The following SH3GL2 variants were observed in gnomAD, a reference collection of about 807,000 sequenced individuals.
The protein encoded by SH3GL2 is endophilin-A1.
SH3GL2 carries 24 observed loss-of-function variants against 46.0 expected under a neutral mutation model. The observed-to-expected ratio is 0.52, with a 90% CI of 0.38 to 0.73. The LOEUF (loss-of-function observed/expected upper bound fraction) is 0.73, where lower values mean the gene tolerates loss of function less well. Ranked by LOEUF, SH3GL2 falls within the 30% of genes least tolerant of loss-of-function variation. The pLI is 0.00. For missense variants in SH3GL2, 413 were observed against 424.2 expected (o/e 0.97, Z 0.23); for synonymous variants, 196 against 147.1 (o/e 1.33, Z -2.40).
intron 1 of SH3GL2, among the ~76,000 whole-genome samples, chr9:17,727,882 T>C (rs1261897480): frequency 6.6e-6 from 1 of 152,056 alleles, no homozygotes; most frequent in Non-Finnish European, 1.5e-5. Flanking sequence ...ATCACCCAGA[T>C]AATCTGCTGT....
chr9:17,716,344 G>T (rs2147734), intron 1 of SH3GL2, among the ~76,000 whole-genome samples: 152,145 of 152,254 alleles, frequency 1, 76,018 homozygotes, highest in Middle Eastern at 1. Flanking sequence ...GGGACACAGC[G>T]AAATTACATG....
At chr9:17,733,568 C>A in intron 1 of SH3GL2, among the ~76,000 whole-genome samples, 1 of 150,258 alleles carries the variant, frequency 6.7e-6, no homozygotes, top group Non-Finnish European at 1.5e-5. Context: ...GTGGCAATTC[C>A]TCAGGGATCT....
chr9:17,717,182 A>T (rs1173702848), intron 1 of SH3GL2, among the ~76,000 whole-genome samples: 2 of 152,066 alleles, frequency 1.3e-5, no homozygotes, highest in Non-Finnish European at 2.9e-5. Flanking sequence ...TCCTATTCGG[A>T]AGGTCATGTG....
Position 17,674,047 on chromosome 9 carries a change from A to G in SH3GL2, c.46-73019A>G, listed in dbSNP as rs144738741. 3.5e-4 allele frequency among the ~76,000 whole-genome samples: 54 copies of G among 152,296 alleles called. No homozygotes were observed. In the East Asian group the frequency reaches 9.3e-3, roughly 26 times the overall value. ...TCCTTGTGTGGCTCTTGAAATCATTATGAATTGATCTGAGCACTTCCTTAT... is the reference window on the plus strand; with the variant it reads ...TCCTTGTGTGGCTCTTGAAATCATTGTGAATTGATCTGAGCACTTCCTTAT... On this transcript the variant is annotated intron_variant, in intron 1 of 8. Transcript: ENST00000380607.
At chr9:17,664,699 A>C (rs950343088) in intron 1 of SH3GL2, among the ~76,000 whole-genome samples, 9 of 151,302 alleles carry the variant, frequency 5.9e-5, no homozygotes, top group Non-Finnish European at 1.2e-4. Flanking sequence ...ATATTCTATA[A>C]TATAGAAATA....
At chr9:17,703,482 C>G (rs1450535150) in intron 1 of SH3GL2, among the ~76,000 whole-genome samples, 9 of 151,834 alleles carry the variant, frequency 5.9e-5, no homozygotes. Context: ...CAAAACCTGG[C>G]AGAGTCACAA....
intron 8 of SH3GL2, among the ~76,000 whole-genome samples, chr9:17,794,695 T>C (rs1455072530): frequency 6.6e-6 from 1 of 152,260 alleles, no homozygotes; most frequent in Non-Finnish European, 1.5e-5. Context: ...GTAGTATTAA[T>C]ACAGCGGGTC....
At chr9:17,711,750 A>C (rs1044420602) in intron 1 of SH3GL2, among the ~76,000 whole-genome samples, 2 of 151,918 alleles carry the variant, frequency 1.3e-5, no homozygotes, top group South Asian at 4.1e-4. Flanking sequence ...GCTTTGGAGA[A>C]TTATAAATAA....
intron 1 of SH3GL2, among the ~76,000 whole-genome samples, chr9:17,639,388 T>C (rs1456254896): frequency 6.6e-6 from 1 of 152,122 alleles, no homozygotes; most frequent in Admixed American, 6.6e-5. Flanking sequence ...TATAGACAAA[T>C]GGTTTGTATA....
intron 1 of SH3GL2, among the ~76,000 whole-genome samples, chr9:17,598,068 A>G (rs1215359161): frequency 6.6e-6 from 1 of 152,224 alleles, no homozygotes; most frequent in Non-Finnish European, 1.5e-5. Flanking sequence ...GAACAATGCT[A>G]GGGCACTCTC....
At chr9:17,655,978 G>A (rs1008599282) in intron 1 of SH3GL2, among the ~76,000 whole-genome samples, 1 of 152,172 alleles carries the variant, frequency 6.6e-6, no homozygotes, top group African/African-American at 2.4e-5. Context: ...AATTAGGTTT[G>A]TGGCAGTTGG....
At chr9:17,727,116 C>T (rs1175814838) in intron 1 of SH3GL2, among the ~76,000 whole-genome samples, 1 of 152,116 alleles carries the variant, frequency 6.6e-6, no homozygotes, top group Non-Finnish European at 1.5e-5. Context: ...TACAGTGGAA[C>T]ACGATGCAGC....
intron 1 of SH3GL2, among the ~76,000 whole-genome samples, chr9:17,612,921 T>C (rs1314890080): frequency 1.3e-5 from 2 of 152,246 alleles, no homozygotes; most frequent in Non-Finnish European, 2.9e-5. Flanking sequence ...ATTCTGGTCA[T>C]TTCTTGTATG....
chr9:17,677,671 G>A (rs1171459000), intron 1 of SH3GL2, among the ~76,000 whole-genome samples: 1 of 151,818 alleles, frequency 6.6e-6, no homozygotes, highest in East Asian at 1.9e-4. Context: ...GGGTACATGT[G>A]CACAACGTGC....
intron 3 of SH3GL2, among the ~76,000 whole-genome samples, chr9:17,773,071 T>TG (rs1324929879): frequency 6.6e-6 from 1 of 152,202 alleles, no homozygotes; most frequent in Non-Finnish European, 1.5e-5. Flanking sequence ...TGATTTGTAA[T>TG]GACCTAATGA....
intron 1 of SH3GL2, among the ~76,000 whole-genome samples, chr9:17,610,528 C>T (rs1428968156): frequency 3.3e-5 from 5 of 152,192 alleles, no homozygotes; most frequent in Non-Finnish European, 5.9e-5. Flanking sequence ...CATTGTTTAA[C>T]ATTGGTGAGT....
At chr9:17,723,956 G>C (rs558019198) in intron 1 of SH3GL2, among the ~76,000 whole-genome samples, 4 of 151,982 alleles carry the variant, frequency 2.6e-5, no homozygotes, top group African/African-American at 9.7e-5. Context: ...TGAAGTGTCT[G>C]GTGTGGTTCT....
chr9:17,757,491 C>A (rs900030148), intron 2 of SH3GL2, among the ~76,000 whole-genome samples: 8 of 152,106 alleles, frequency 5.3e-5, no homozygotes, highest in Non-Finnish European at 1.2e-4. Flanking sequence ...AAAAAGTGGG[C>A]GAAGGATATG....
intron 1 of SH3GL2, among the ~76,000 whole-genome samples, chr9:17,646,916 C>T (rs962406038): frequency 2.0e-5 from 3 of 152,162 alleles, no homozygotes; most frequent in Admixed American, 2.0e-4. Context: ...CTGGGTGATC[C>T]ACTGCTCTCT....
Sources: gnomAD v4.1 joint callset for allele counts (sites outside exome capture counted in the v4.1 genomes callset) on GRCh38, gnomAD v4.1.1 for gene constraint, MANE v1.5 for transcripts, NCBI Gene and HGNC (gene_info 2026-07-23, HGNC 2026-07-21) for gene names.